The following NRXN1 variants were observed in gnomAD, a reference collection of about 807,000 sequenced individuals.
NRXN1 encodes the protein neurexin-1.
In NRXN1, 39 loss-of-function variants were observed where a neutral mutation model predicts 150.9. That is an observed-to-expected ratio of 0.26 (90% CI 0.20 to 0.34). The LOEUF is 0.34. Ranked by LOEUF, NRXN1 falls within the 10% of genes least tolerant of loss-of-function variation. The pLI, the probability that NRXN1 is intolerant of heterozygous loss-of-function variation, is 1.00. For missense variants in NRXN1, 1,815 were observed against 1,949.9 expected, an observed-to-expected ratio of 0.93 and a Z score of 1.30; for synonymous variants, 924 against 757.0, an observed-to-expected ratio of 1.22 and a Z score of -3.62.
intron 22 of NRXN1, among the ~76,000 whole-genome samples, chr2:49,923,856 A>C (rs1302630646): frequency 6.6e-6 from 1 of 152,248 alleles, no homozygotes; most frequent in African/African-American, 2.4e-5. Context: ...AAAATGTAGC[A>C]GGTAAAACTT....
intron 18 of NRXN1, among the ~76,000 whole-genome samples, chr2:50,135,396 A>C (rs1706232515): frequency 6.6e-6 from 1 of 152,242 alleles, no homozygotes; most frequent in Admixed American, 6.5e-5. Flanking sequence ...TACAAACTGT[A>C]GAGTAAAAGA....
At chr2:50,837,986 G>C (rs1379372345) in intron 5 of NRXN1, among the ~76,000 whole-genome samples, 1 of 151,992 alleles carries the variant, frequency 6.6e-6, no homozygotes, top group Non-Finnish European at 1.5e-5. Context: ...TGCATTGCTG[G>C]CCTCATAAGA....
At chr2:50,496,241 T>C in intron 14 of NRXN1, 146 bp from the exon 15 acceptor site, 1 of 578,220 alleles carries the variant, frequency 1.7e-6, no homozygotes, top group Non-Finnish European at 3.0e-6. Flanking sequence ...AACTCAGCTA[T>C]CAAGAAGGTA....
At chr2:50,250,037 G>C (rs1179187997) in intron 17 of NRXN1, among the ~76,000 whole-genome samples, 1 of 152,082 alleles carries the variant, frequency 6.6e-6, no homozygotes, top group Non-Finnish European at 1.5e-5. Context: ...ATACTTTACT[G>C]ACTGACTTGC....
At position 50,895,877 on chromosome 2, in the gene NRXN1, G is replaced by A. The variant is rs1681867864; in HGVS notation, c.832+25992C>T. ...TTACAGGCATGAGACACCGTGCCTG[G>A]CCTATGCAAGAAATTTTATGTAAGG... On this transcript the variant is annotated intron_variant, in intron 5 of 22. Transcript: ENST00000401669. 2.0e-5 allele frequency among the ~76,000 whole-genome samples: 3 copies of A among 151,990 alleles called. No individual in the cohort carries two copies. In the South Asian group the frequency reaches 6.2e-4, roughly 32 times the overall value.
intron 17 of NRXN1, among the ~76,000 whole-genome samples, chr2:50,405,154 G>A (rs748589263): frequency 2.0e-5 from 3 of 152,092 alleles, no homozygotes; most frequent in Non-Finnish European, 4.4e-5. Context: ...CTGAACTAAG[G>A]ATATATGATG....
intron 17 of NRXN1, among the ~76,000 whole-genome samples, chr2:50,314,749 C>G (rs2075455146): frequency 6.6e-6 from 1 of 151,984 alleles, no homozygotes; most frequent in African/African-American, 2.4e-5. Context: ...ACTGTATACT[C>G]TCCATAAGAA....
chr2:50,839,513 C>T (rs2105922300), intron 5 of NRXN1, among the ~76,000 whole-genome samples: 1 of 152,164 alleles, frequency 6.6e-6, no homozygotes, highest in Non-Finnish European at 1.5e-5. Flanking sequence ...CTTGTAGGAA[C>T]AATTATTTAT....
chr2:50,398,810 T>C (rs2082212693), intron 17 of NRXN1, among the ~76,000 whole-genome samples: 1 of 152,146 alleles, frequency 6.6e-6, no homozygotes, highest in African/African-American at 2.4e-5. Flanking sequence ...CCACTATATC[T>C]AGCTTGGTAG....
chr2:50,759,151 C>A lies in NRXN1; in HGVS notation c.833-135536G>T, dbSNP rs540309535. Among the ~76,000 whole-genome samples, 3 of 151,988 alleles carry A rather than the reference C, an allele frequency of 2.0e-5. No homozygotes were observed. In the South Asian group the frequency reaches 6.2e-4, roughly 32 times the overall value. On this transcript the variant is annotated intron_variant, in intron 5 of 22. Coordinates refer to ENST00000401669, the MANE Select transcript of NRXN1 (RefSeq NM_001330078.2). ...AACATTTCTTGTAATAAATAAATCA[C>A]CTTTAATAGTGACAAATTGTAGATA...
chr2:50,159,684 T>C (rs1158666342), intron 18 of NRXN1, among the ~76,000 whole-genome samples: 1 of 152,110 alleles, frequency 6.6e-6, no homozygotes, highest in African/African-American at 2.4e-5. Flanking sequence ...TTGTCTTTCA[T>C]TGGTGTTCTC....
chr2:49,923,556 A>C (rs919969414), intron 22 of NRXN1, among the ~76,000 whole-genome samples: 13 of 152,146 alleles, frequency 8.5e-5, no homozygotes, highest in Non-Finnish European at 1.8e-4. Flanking sequence ...AGAAGACTAA[A>C]ATTGTGCTTT....
chr2:50,793,947 T>C (rs1394913390), intron 5 of NRXN1, among the ~76,000 whole-genome samples: 2 of 152,016 alleles, frequency 1.3e-5, no homozygotes, highest in African/African-American at 2.4e-5. Flanking sequence ...CAGGGGACAT[T>C]TGACAATGTT....
chr2:50,229,526 C>T (rs1203769493), intron 18 of NRXN1, among the ~76,000 whole-genome samples: 1 of 151,920 alleles, frequency 6.6e-6, no homozygotes, highest in African/African-American at 2.4e-5. Flanking sequence ...AATTATTGCT[C>T]ATCATTTCTT....
chr2:50,391,969 C>T (rs182901968), intron 17 of NRXN1, among the ~76,000 whole-genome samples: 22 of 152,232 alleles, frequency 1.4e-4, no homozygotes, highest in Non-Finnish European at 2.8e-4. Context: ...CATTTGTAAA[C>T]ATCTCTGCAG....
chr2:50,046,952 C>T (rs1423947164), intron 21 of NRXN1, among the ~76,000 whole-genome samples: 2 of 152,190 alleles, frequency 1.3e-5, no homozygotes, highest in African/African-American at 4.8e-5. Context: ...GACTCAAACA[C>T]TTACTGTGTG....
Position 50,803,991 on chromosome 2 carries a change from G to A in NRXN1, c.832+117878C>T, listed in dbSNP as rs1170517509. ...TGCATTTTCCTTCAAATTCTCTCTG[G>A]GTCAACACTTAAAGTATAATCCATT... On this transcript the variant is annotated intron_variant, in intron 5 of 22. Coordinates refer to ENST00000401669, the MANE Select transcript of NRXN1 (RefSeq NM_001330078.2). 3.3e-5 allele frequency among the ~76,000 whole-genome samples: 5 copies of A among 151,782 alleles called. No homozygotes were observed. In the South Asian group the frequency reaches 1.0e-3, roughly 32 times the overall value.
intron 17 of NRXN1, among the ~76,000 whole-genome samples, chr2:50,351,214 G>T (rs2078387941): frequency 6.6e-6 from 1 of 152,174 alleles, no homozygotes; most frequent in Non-Finnish European, 1.5e-5. Flanking sequence ...AGGAAACATG[G>T]TTTTTGGCTA....
intron 5 of NRXN1, among the ~76,000 whole-genome samples, chr2:50,692,580 A>G (rs923833753): frequency 7.2e-5 from 11 of 152,198 alleles, no homozygotes; most frequent in African/African-American, 2.7e-4. Context: ...ATCAAAATCA[A>G]TCATCTACCA....
Sources: allele counts gnomAD v4.1 joint callset (sites outside exome capture counted in the v4.1 genomes callset), GRCh38; gene constraint gnomAD v4.1.1; transcripts MANE v1.5; gene names NCBI Gene and HGNC (gene_info 2026-07-23, HGNC 2026-07-21).